UNC5B: variants seen among roughly 807,000 people sequenced by gnomAD.
UNC5B encodes the protein unc-5 netrin receptor B, also known as netrin receptor UNC5B.
Under a neutral mutation model 103.7 loss-of-function variants are expected in UNC5B, and 56 were observed. The observed-to-expected ratio is 0.54, with a 90% CI of 0.44 to 0.67. The LOEUF (loss-of-function observed/expected upper bound fraction) is 0.67. UNC5B is among the 30% of genes least tolerant of loss of function. The pLI, the probability that UNC5B is intolerant of heterozygous loss-of-function variation, is 0.00. For missense variants in UNC5B, 1,194 were observed against 1,284.5 expected, an observed-to-expected ratio of 0.93 and a Z score of 1.08; for synonymous variants, 577 against 542.0, an observed-to-expected ratio of 1.06 and a Z score of -0.90.
intron 1 of UNC5B, among the ~76,000 whole-genome samples, chr10:71,237,392 A>G (rs1383456464): frequency 6.6e-6 from 1 of 152,176 alleles, no homozygotes; most frequent in East Asian, 1.9e-4. Flanking sequence ...TTTAAATGAG[A>G]TTTTAGAGAG....
chr10:71,286,619 A>G, intron 4 of UNC5B, 70 bp from the exon 5 acceptor site: 1 of 1,583,010 alleles, frequency 6.3e-7, no homozygotes, highest in East Asian at 2.2e-5. Context: ...CCCAGGTAGA[A>G]CTGCCCTTCT....
intron 1 of UNC5B, among the ~76,000 whole-genome samples, chr10:71,222,681 G>C (rs940013947): frequency 2.0e-5 from 3 of 152,206 alleles, no homozygotes; most frequent in Admixed American, 6.5e-5. Context: ...GAAGAGAGAG[G>C]CTGCTTTTTC....
chr10:71,268,028 A>T (rs1844559839), intron 1 of UNC5B, among the ~76,000 whole-genome samples: 1 of 152,216 alleles, frequency 6.6e-6, no homozygotes, highest in African/African-American at 2.4e-5. Flanking sequence ...CCCGGGGCCC[A>T]TGGAACCTGA....
intron 1 of UNC5B, among the ~76,000 whole-genome samples, chr10:71,226,215 C>T (rs1314092726): frequency 1.3e-5 from 2 of 152,148 alleles, no homozygotes; most frequent in Non-Finnish European, 2.9e-5. Context: ...GCTGGGATTA[C>T]AGGCGCCCGC....
At chr10:71,288,483 T>C in intron 6 of UNC5B, 85 bp from the exon 7 acceptor site, 1 of 1,527,918 alleles carries the variant, frequency 6.5e-7, no homozygotes, top group Non-Finnish European at 8.8e-7. Flanking sequence ...TGCATGTGTG[T>C]TGGCACATTG....
chr10:71,270,179 G>C (rs1160993021), intron 1 of UNC5B, among the ~76,000 whole-genome samples: 1 of 151,994 alleles, frequency 6.6e-6, no homozygotes, highest in Non-Finnish European at 1.5e-5. Flanking sequence ...GTGAAACCCC[G>C]TGTCTACTAA....
intron 1 of UNC5B, among the ~76,000 whole-genome samples, chr10:71,267,937 C>T (rs1409111080): frequency 6.6e-6 from 1 of 152,216 alleles, no homozygotes; most frequent in Non-Finnish European, 1.5e-5. Context: ...CTCCTAACTG[C>T]TGTGTGATCT....
chr10:71,260,745 A>G (rs982871401), intron 1 of UNC5B, among the ~76,000 whole-genome samples: 2 of 152,252 alleles, frequency 1.3e-5, no homozygotes, highest in African/African-American at 2.4e-5. Context: ...CGCCAGGGCC[A>G]GAAGACGGGA....
At position 71,292,547 on chromosome 10, in the gene UNC5B, A is replaced by G. The variant is rs765651815; in HGVS notation, c.1765A>G (p.Ser589Gly). 5.0e-6 allele frequency: 8 copies of G among 1,602,194 alleles called. No homozygotes were observed. The highest frequency in any genetic ancestry group is 6.8e-6 in the Non-Finnish European group (8 of 1,174,426). The change falls in exon 11 of 17, where the codon AGT (serine) becomes GGT (glycine). Residue 589 changes from serine to glycine, a missense_variant. Coordinates refer to ENST00000335350, the MANE Select transcript of UNC5B (RefSeq NM_170744.5). ...EMYLLINKAESTLPLSEGTQT... is the reference protein window; with the variant it reads ...EMYLLINKAEGTLPLSEGTQT... ...GTATCTACTCATCAACAAGGCAGAA[A>G]GTACCCTGTGAGTAGAGCCCCAGCC...
intron 2 of UNC5B, 63 bp downstream of exon 2, chr10:71,280,108 C>G: frequency 6.5e-7 from 1 of 1,542,070 alleles, no homozygotes; most frequent in Non-Finnish European, 8.9e-7. Context: ...ACAGGCCTAG[C>G]TCCATGTGAG....
rs370803208 is a variant in UNC5B, at chr10:71,285,405, G to C, written c.528G>C (p.Pro176=). ...LDHEVLLQCR[P]PEGVPVAEVE... ...ATGAGGTTCTCCTGCAGTGCCGCCC[G>C]CCGGAGGGGGTGCCTGTGGCCGAGG... is the stretch of plus-strand genomic sequence containing the variant. Residue 176 remains proline (P), a synonymous_variant, in exon 4 of 17, where the codon CCG becomes CCC. Transcript: ENST00000335350. 1 of 1,604,402 alleles carries C rather than the reference G, an allele frequency of 6.2e-7. No individual in the cohort carries two copies. Among genetic ancestry groups the C allele is most frequent in the East Asian group, 2.2e-5 (1 of 44,582 alleles).
chr10:71,284,610 G>A, intron 2 of UNC5B, 110 bp from the exon 3 acceptor site: 1 of 1,492,812 alleles, frequency 6.7e-7, no homozygotes, highest in Non-Finnish European at 9.0e-7. Context: ...GGAGGGAAAG[G>A]CACTTGGGCA....
chr10:71,252,939 G>A (rs959633888), intron 1 of UNC5B, among the ~76,000 whole-genome samples: 1 of 152,118 alleles, frequency 6.6e-6, no homozygotes, highest in African/African-American at 2.4e-5. Flanking sequence ...GAGAAGAGGG[G>A]GTTTTCTTAG....
chr10:71,227,569 CAA>C (rs1339075430), intron 1 of UNC5B, among the ~76,000 whole-genome samples: 9 of 148,012 alleles, frequency 6.1e-5, no homozygotes, highest in Non-Finnish European at 1.3e-4. Context: ...ACTATTGAAA[CAA>C]AATAAAAATA....
rs142881734 is a variant in UNC5B at position 71,271,544 on chromosome 10, G to A, written c.80-8277G>A. Among the ~76,000 whole-genome samples, 179 of 152,340 alleles carry A rather than the reference G, an allele frequency of 1.2e-3. 1 individual carries two copies. The highest frequency in any genetic ancestry group is 4.1e-3 in the African/African-American group (170 of 41,586). ...CAAAGGAACCCAAAGCCAGAGGAAG[G>A]GTCTGGAGGGAGGGCCTTGGGGGTG... On this transcript the variant is annotated intron_variant, in intron 1 of 16. Coordinates refer to ENST00000335350, the MANE Select transcript of UNC5B (RefSeq NM_170744.5).
At chr10:71,215,004 C>T (rs1589143718) in intron 1 of UNC5B, among the ~76,000 whole-genome samples, 2 of 152,284 alleles carry the variant, frequency 1.3e-5, no homozygotes, top group African/African-American at 2.4e-5. Flanking sequence ...GGAGAGGGGC[C>T]AACTGGTGGG....
In UNC5B at chr10:71,279,951, C is replaced by T. The variant is rs368374323; in HGVS notation, c.210C>T (p.Arg70=). Reference sequence around the variant, plus strand: ...ACAAGCCTGTGGAGCTCCGCTGCCGCGCCTTCCCCGCCACACAGATCTACT... The same window carrying T: ...ACAAGCCTGTGGAGCTCCGCTGCCGTGCCTTCCCCGCCACACAGATCTACT... ...VKNKPVELRC[R]AFPATQIYFK... The change falls in exon 2 of 17, where the codon CGC becomes CGT. Residue 70 remains arginine, a synonymous_variant. Transcript: ENST00000335350. The T allele has an allele frequency of 1.1e-4, 171 of 1,614,048 alleles. No homozygotes were observed. The Admixed American group carries it at 1.2e-3, about 11-fold the overall frequency.
chr10:71,244,258 G>A lies in UNC5B; in HGVS notation c.79+31194G>A, dbSNP rs537415679. 2.0e-3 allele frequency among the ~76,000 whole-genome samples: 307 copies of A among 152,370 alleles called. 3 individuals carry two copies. In the South Asian group the frequency reaches 0.021, roughly 10 times the overall value. On this transcript the variant is annotated intron_variant, in intron 1 of 16. Transcript: ENST00000335350. The stretch of plus-strand genomic sequence containing the variant: ...GAGACTCTGAGCCCTGGCCTTCACA[G>A]GGTGGTGGCAGGTTCATCCCTACAG...
At chr10:71,298,723 AG>A (rs1464067069) in intron 16 of UNC5B, among the ~76,000 whole-genome samples, 6 of 152,130 alleles carry the variant, frequency 3.9e-5, no homozygotes, top group Non-Finnish European at 5.9e-5. Context: ...TGGGAGCAGG[AG>A]GGAACACGGG....
Sources: allele counts gnomAD v4.1 joint callset (sites outside exome capture counted in the v4.1 genomes callset), GRCh38; gene constraint gnomAD v4.1.1; transcripts MANE v1.5; gene names NCBI Gene and HGNC (gene_info 2026-07-23, HGNC 2026-07-21).